LRRC4C: variants seen among roughly 807,000 people sequenced by gnomAD.
LRRC4C encodes leucine-rich repeat-containing protein 4C.
A neutral mutation model predicts 33.6 loss-of-function variants in LRRC4C; 5 were observed. The ratio of observed to expected loss-of-function variants is 0.15; its 90% CI spans 0.08 to 0.31. The LOEUF (loss-of-function observed/expected upper bound fraction) is 0.31. LRRC4C is among the 10% of genes least tolerant of loss of function. The pLI is 1.00. For missense variants in LRRC4C, 560 were observed against 796.7 expected (o/e 0.70, Z 3.58); for synonymous variants, 329 against 302.0 (o/e 1.09, Z -0.93).
chr11:40,278,643 A>G (rs1371194263), intron 4 of LRRC4C, among the ~76,000 whole-genome samples: 2 of 152,198 alleles, frequency 1.3e-5, no homozygotes, highest in African/African-American at 4.8e-5. Flanking sequence ...TGCTGGAAGA[A>G]CAAAATTCCT....
intron 3 of LRRC4C, among the ~76,000 whole-genome samples, chr11:40,337,001 A>G (rs1946653247): frequency 7.1e-6 from 1 of 141,070 alleles, no homozygotes; most frequent in South Asian, 2.4e-4. Context: ...AAAAAAAAAA[A>G]AAAAAGAGCG....
intron 5 of LRRC4C, among the ~76,000 whole-genome samples, chr11:40,166,051 T>G (rs977978531): frequency 1.3e-5 from 2 of 152,232 alleles, no homozygotes; most frequent in Non-Finnish European, 1.5e-5. Context: ...TTTAATAAAG[T>G]TGATCATATT....
At chr11:41,036,002 C>T (rs1857040939) in intron 1 of LRRC4C, among the ~76,000 whole-genome samples, 1 of 151,914 alleles carries the variant, frequency 6.6e-6, no homozygotes, top group Non-Finnish European at 1.5e-5. Context: ...TGTAACTATA[C>T]AAACTCCTTG....
intron 3 of LRRC4C, among the ~76,000 whole-genome samples, chr11:40,361,783 A>C (rs906098898): frequency 6.6e-6 from 1 of 152,332 alleles, no homozygotes; most frequent in Non-Finnish European, 1.5e-5. Context: ...AGATGAACCC[A>C]AAAAAGTGCC....
intron 5 of LRRC4C, among the ~76,000 whole-genome samples, chr11:40,185,538 G>T: frequency 6.6e-6 from 1 of 152,170 alleles, no homozygotes; most frequent in East Asian, 1.9e-4. Flanking sequence ...TGTAATGAAG[G>T]AAATTTAGTG....
chr11:40,416,162 C>T (rs899672645), intron 3 of LRRC4C, among the ~76,000 whole-genome samples: 1 of 152,102 alleles, frequency 6.6e-6, no homozygotes, highest in Admixed American at 6.5e-5. Context: ...TTCAACAATG[C>T]TTTTGTTTTA....
At chr11:40,350,895 G>A (rs1212608672) in intron 3 of LRRC4C, among the ~76,000 whole-genome samples, 1 of 151,904 alleles carries the variant, frequency 6.6e-6, no homozygotes, top group Non-Finnish European at 1.5e-5. Context: ...CAGATTGCTT[G>A]CTGTTGGCAT....
chr11:40,114,506 T>A lies in LRRC4C; in HGVS notation c.1787A>T (p.Asn596Ile). The A allele has an allele frequency of 6.2e-7, 1 of 1,614,118 alleles. No individual in the cohort carries two copies. Among genetic ancestry groups the A allele is most frequent in the Non-Finnish European group, 8.5e-7 (1 of 1,180,002 alleles). The stretch of plus-strand genomic sequence containing the variant: ...GGGAGATTTGTATGAGTTATAGTGA[T>A]TTAGGTGCTCATGCTCGATAGCAGG... ...PMPAIEHEHLNHYNSYKSPFN... is the reference protein window; with the variant it reads ...PMPAIEHEHLIHYNSYKSPFN... Residue 596 changes from asparagine (N) to isoleucine (I), a missense_variant, in exon 7 of 7, where the codon AAT (asparagine) becomes ATT (isoleucine). Around this residue, in one of 3 missense-constraint regions of LRRC4C, gnomAD observed 103 missense variants for 132.1 expected, o/e 0.78. Coordinates refer to ENST00000528697, the MANE Select transcript of LRRC4C (RefSeq NM_001258419.2).
intron 2 of LRRC4C, among the ~76,000 whole-genome samples, chr11:40,659,758 G>A (rs1373827202): frequency 3.3e-5 from 5 of 152,150 alleles, no homozygotes; most frequent in African/African-American, 1.2e-4. Flanking sequence ...TATCCACTTT[G>A]GGTCTTGCCT....
At chr11:40,800,363 G>C (rs1292323135) in intron 2 of LRRC4C, among the ~76,000 whole-genome samples, 1 of 152,138 alleles carries the variant, frequency 6.6e-6, no homozygotes, top group African/African-American at 2.4e-5. Context: ...AGCATTTATT[G>C]TTTGAGGGGG....
chr11:40,599,946 A>AG (rs1482456676), intron 3 of LRRC4C, among the ~76,000 whole-genome samples: 1 of 152,226 alleles, frequency 6.6e-6, no homozygotes, highest in East Asian at 1.9e-4. Context: ...AACAGAGAAG[A>AG]GATCAAGGAA....
At chr11:40,714,447 C>T (rs1216953257) in intron 2 of LRRC4C, among the ~76,000 whole-genome samples, 6 of 152,148 alleles carry the variant, frequency 3.9e-5, no homozygotes, top group Admixed American at 2.6e-4. Context: ...GACTTCAGTC[C>T]CATTTGGCCA....
chr11:41,123,650 C>T (rs1273602522), intron 1 of LRRC4C, among the ~76,000 whole-genome samples: 2 of 150,964 alleles, frequency 1.3e-5, no homozygotes, highest in African/African-American at 4.9e-5. Flanking sequence ...TTAATTCATT[C>T]TTTCCCAGCT....
intron 2 of LRRC4C, among the ~76,000 whole-genome samples, chr11:40,841,728 G>T (rs1952923391): frequency 6.6e-6 from 1 of 152,170 alleles, no homozygotes; most frequent in Admixed American, 6.6e-5. Context: ...AATACAGCCT[G>T]GGAGGCAATA....
chr11:41,229,465 C>T (rs1591000819), intron 1 of LRRC4C, among the ~76,000 whole-genome samples: 2 of 152,172 alleles, frequency 1.3e-5, no homozygotes, highest in Admixed American at 6.6e-5. Flanking sequence ...TCTATAGCAA[C>T]GATCACCATG....
rs71060994 is a variant in LRRC4C, at chr11:41,059,210, G to GTTGTTTGT, written c.-495-125488_-495-125487insACAAACAA. Among the ~76,000 whole-genome samples the GTTGTTTGT allele has an allele frequency of 1.2e-4, 15 of 125,220 alleles. No homozygotes were observed. The East Asian group carries it at 3.6e-3, about 30-fold the overall frequency. The allele number at this position is 125,220 out of a possible 152,430, so 82.1% of individuals were successfully genotyped here. On this transcript the variant is annotated intron_variant, in intron 1 of 6. Transcript: ENST00000528697. ...ATATACTCCTGATACTAAAATAAAA[G>GTTGTTTGT]TTTTTTTTTTTTTTTAAGAAAAAGA...
intron 2 of LRRC4C, among the ~76,000 whole-genome samples, chr11:40,708,852 TG>T (rs1432009541): frequency 2.0e-5 from 3 of 152,170 alleles, no homozygotes; most frequent in African/African-American, 7.2e-5. Flanking sequence ...TAAGTCTCCT[TG>T]TAGCTCTCTC....
intron 3 of LRRC4C, among the ~76,000 whole-genome samples, chr11:40,474,451 T>C (rs926104458): frequency 6.6e-6 from 1 of 152,146 alleles, no homozygotes; most frequent in Admixed American, 6.5e-5. Context: ...GTTAAAGACT[T>C]AAACGTAAGA....
chr11:40,430,169 T>A (rs1321495517), intron 3 of LRRC4C, among the ~76,000 whole-genome samples: 1 of 150,482 alleles, frequency 6.6e-6, no homozygotes. Context: ...AGAAAGATTT[T>A]TCTCAGTTTT....
Sources: gnomAD v4.1 joint callset for allele counts (sites outside exome capture counted in the v4.1 genomes callset) on GRCh38, gnomAD v4.1.1 for gene constraint, gnomAD v4.1.1 regional missense constraint, MANE v1.5 for transcripts, NCBI Gene and HGNC (gene_info 2026-07-23, HGNC 2026-07-21) for gene names.